LRP1B: variants seen among roughly 807,000 people sequenced by gnomAD.
LRP1B encodes LDL receptor related protein 1B, also known as low-density lipoprotein receptor-related protein 1B.
LRP1B carries 217 observed loss-of-function variants against 556.6 expected under a neutral mutation model. That is an observed-to-expected ratio of 0.39 (90% CI 0.35 to 0.44). The LOEUF is 0.44. Ranked by LOEUF, LRP1B falls within the 20% of genes least tolerant of loss-of-function variation. LRP1B has a pLI of 1.00. For missense variants in LRP1B, 5,053 were observed against 5,620.8 expected (o/e 0.90, Z 3.23); for synonymous variants, 2,047 against 1,865.8 (o/e 1.10, Z -2.50).
At chr2:141,488,327 C>T (rs367886014) in intron 2 of LRP1B, among the ~76,000 whole-genome samples, 18 of 152,086 alleles carry the variant, frequency 1.2e-4, no homozygotes, top group South Asian at 6.2e-4. Context: ...ATAAGATGTC[C>T]GTGAAATTCA....
chr2:141,753,281 T>TATATATATATATAC (rs1553459371), intron 2 of LRP1B, among the ~76,000 whole-genome samples: 1 of 135,484 alleles, frequency 7.4e-6, no homozygotes, highest in South Asian at 2.4e-4. Context: ...TATATATATA[T>TATATATATATATAC]ATCCCAGATG....
intron 32 of LRP1B, among the ~76,000 whole-genome samples, chr2:140,812,390 CAA>C (rs1249546069): frequency 3.3e-5 from 5 of 152,012 alleles, no homozygotes; most frequent in African/African-American, 9.7e-5. Context: ...CTTTCCTTCA[CAA>C]GAGAGAGGAA....
chr2:140,972,152 G>C lies in LRP1B; in HGVS notation c.2887+10008C>G, dbSNP rs372176216. Among the ~76,000 whole-genome samples the C allele has an allele frequency of 6.4e-4, 97 of 152,268 alleles. 1 individual carries two copies. Among genetic ancestry groups the C allele is most frequent in the African/African-American group, 2.3e-3 (96 of 41,570 alleles). ...TACAAAACAGGAAACTGCAAAGAAAGAAAGATGCGAAATAATGCCACATGC... is the reference window on the plus strand; with the variant it reads ...TACAAAACAGGAAACTGCAAAGAAACAAAGATGCGAAATAATGCCACATGC... On this transcript the variant is annotated intron_variant, in intron 18 of 90. Transcript: ENST00000389484.
chr2:141,497,298 G>A (rs993176842), intron 2 of LRP1B, among the ~76,000 whole-genome samples: 1 of 151,870 alleles, frequency 6.6e-6, no homozygotes, highest in African/African-American at 2.4e-5. Flanking sequence ...TTTTTTTAGA[G>A]GCAACTATTT....
In LRP1B at chr2:141,303,722, T is replaced by C. The variant is rs533799356; in HGVS notation, c.344-49081A>G. Among the ~76,000 whole-genome samples the C allele has an allele frequency of 5.3e-5, 8 of 152,308 alleles. No individual in the cohort carries two copies. In the East Asian group the frequency reaches 1.5e-3, roughly 29 times the overall value. On this transcript the variant is annotated intron_variant, in intron 3 of 90. Coordinates refer to ENST00000389484, the MANE Select transcript of LRP1B (RefSeq NM_018557.3). Reference sequence around the variant, plus strand: ...CTTGCTATTGTTAATAGTACTGCAGTAAATACAGAGATGCAGGTATCCCTT... The same window carrying C: ...CTTGCTATTGTTAATAGTACTGCAGCAAATACAGAGATGCAGGTATCCCTT...
chr2:141,421,748 T>C (rs1339296596), intron 3 of LRP1B, among the ~76,000 whole-genome samples: 1 of 152,156 alleles, frequency 6.6e-6, no homozygotes, highest in Non-Finnish European at 1.5e-5. Flanking sequence ...GAGGGCCTTA[T>C]GCACTTTTAT....
At chr2:141,268,921 A>T (rs1684989805) in intron 3 of LRP1B, among the ~76,000 whole-genome samples, 1 of 152,156 alleles carries the variant, frequency 6.6e-6, no homozygotes, top group Non-Finnish European at 1.5e-5. Context: ...GATCCTTCAT[A>T]GGGCAGTGAT....
chr2:141,981,845 G>C (rs1257158392), intron 1 of LRP1B, among the ~76,000 whole-genome samples: 3 of 152,076 alleles, frequency 2.0e-5, no homozygotes, highest in East Asian at 3.9e-4. Context: ...AATTAAAAAG[G>C]AGGTGTGTCT....
chr2:141,801,689 T>A (rs1162182453), intron 2 of LRP1B, among the ~76,000 whole-genome samples: 1 of 152,174 alleles, frequency 6.6e-6, no homozygotes, highest in Admixed American at 6.5e-5. Context: ...TATAATTACA[T>A]TAGGTGTTCT....
At chr2:140,675,867 T>C (rs1262231707) in intron 41 of LRP1B, among the ~76,000 whole-genome samples, 1 of 152,206 alleles carries the variant, frequency 6.6e-6, no homozygotes, top group Non-Finnish European at 1.5e-5. Context: ...CTTAAAATGT[T>C]ACTTAAAATT....
chr2:140,999,288 T>G (rs1297334217), intron 15 of LRP1B, among the ~76,000 whole-genome samples: 1 of 152,082 alleles, frequency 6.6e-6, no homozygotes, highest in Admixed American at 6.6e-5. Flanking sequence ...CTACAAATTC[T>G]CAAATAAGCA....
Position 140,654,025 on chromosome 2 carries a change from CAAAAAAAAAA to C in LRP1B, c.6799+46215_6799+46224del, listed in dbSNP as rs61199077. On this transcript the variant is annotated intron_variant, in intron 41 of 90. Transcript: ENST00000389484. ...GGGAGACAAGAGCAAGACTCCATCT[CAAAAAAAAAA>C]AAAAAAAAAAAAAAAAGAGAGAGAG... Among the ~76,000 whole-genome samples, 11 of 35,402 alleles carry C rather than the reference CAAAAAAAAAA, an allele frequency of 3.1e-4. No individual in the cohort carries two copies. In the South Asian group the frequency reaches 7.0e-3, roughly 22 times the overall value. 23.2% of individuals were successfully genotyped at this position (35,402 alleles called of 152,430 possible). A position where few individuals can be genotyped will look rare whatever the true frequency, so the allele number is the denominator to read the frequency against.
intron 2 of LRP1B, among the ~76,000 whole-genome samples, chr2:141,567,635 T>C (rs992979878): frequency 6.6e-6 from 1 of 152,004 alleles, no homozygotes; most frequent in African/African-American, 2.4e-5. Context: ...TGATGACTAT[T>C]ATATGTTAAA....
At chr2:140,889,359 G>C (rs1693732475) in intron 23 of LRP1B, among the ~76,000 whole-genome samples, 3 of 152,172 alleles carry the variant, frequency 2.0e-5, no homozygotes, top group South Asian at 4.1e-4. Context: ...ACAGTGGCAT[G>C]ATCTTGACTC....
intron 5 of LRP1B, among the ~76,000 whole-genome samples, chr2:141,234,811 G>T (rs1380051056): frequency 6.6e-6 from 1 of 151,994 alleles, no homozygotes; most frequent in African/African-American, 2.4e-5. Flanking sequence ...AAATAAAAAA[G>T]AAAGAGAAAG....
rs1452259776 is a variant in LRP1B at position 142,130,885 on chromosome 2, G to T, written c.-156C>A. ...TTCTTCAGCTCAATGAGTCCAGCCAGTCAGCCTTCTCCTGCCTGGAGCAGG... is the reference window on the plus strand; with the variant it reads ...TTCTTCAGCTCAATGAGTCCAGCCATTCAGCCTTCTCCTGCCTGGAGCAGG... On this transcript the variant is annotated 5_prime_UTR_variant, in exon 1 of 91. The change creates a new upstream start codon in the 5' untranslated region. Coordinates refer to ENST00000389484, the MANE Select transcript of LRP1B (RefSeq NM_018557.3). The T allele has an allele frequency of 4.3e-6, 3 of 692,538 alleles. No individual in the cohort carries two copies. The allele number at this position is 692,538 out of a possible 1,614,324, so 42.9% of individuals were successfully genotyped here. A position where few individuals can be genotyped will look rare whatever the true frequency, so the allele number is the denominator to read the frequency against.
intron 35 of LRP1B, among the ~76,000 whole-genome samples, chr2:140,764,669 A>G (rs1261884265): frequency 1.3e-5 from 2 of 152,172 alleles, no homozygotes; most frequent in African/African-American, 2.4e-5. Flanking sequence ...AGCAGAATTG[A>G]TCAGAAAGTA....
intron 43 of LRP1B, among the ~76,000 whole-genome samples, chr2:140,562,455 T>C (rs977511865): frequency 1.3e-5 from 2 of 152,182 alleles, no homozygotes; most frequent in East Asian, 3.8e-4. Flanking sequence ...TTCACAATTA[T>C]CTAGAGACTA....
chr2:141,207,012 C>T (rs954343944), intron 6 of LRP1B, among the ~76,000 whole-genome samples: 13 of 152,136 alleles, frequency 8.5e-5, no homozygotes, highest in Admixed American at 5.2e-4. Context: ...AAGTTTCCAG[C>T]GTATTCAGAG....
Sources: allele counts gnomAD v4.1 joint callset (sites outside exome capture counted in the v4.1 genomes callset), GRCh38; gene constraint gnomAD v4.1.1; transcripts MANE v1.5; gene names NCBI Gene and HGNC (gene_info 2026-07-23, HGNC 2026-07-21).